The following ZNF714 variants were observed in gnomAD, a reference collection of about 807,000 sequenced individuals.
The protein encoded by ZNF714 is zinc finger protein 714.
In ZNF714, 32 loss-of-function variants were observed where a neutral mutation model predicts 46.2. That is an observed-to-expected ratio of 0.69 (90% CI 0.52 to 0.93). The LOEUF (loss-of-function observed/expected upper bound fraction) is 0.93, where lower values mean the gene tolerates loss of function less well. Ranked by LOEUF, ZNF714 falls within the 40% of genes least tolerant of loss-of-function variation. The pLI is 0.00. For missense variants in ZNF714, 635 were observed against 646.3 expected (o/e 0.98, Z 0.19); for synonymous variants, 199 against 213.1 (o/e 0.93, Z 0.58).
At chr19:21,099,887 G>A (rs530567819) in intron 4 of ZNF714, among the ~76,000 whole-genome samples, 11 of 152,154 alleles carry the variant, frequency 7.2e-5, no homozygotes, top group South Asian at 6.2e-4. Context: ...ACAGAGTCTC[G>A]CTCTGTCACC....
At position 21,110,055 on chromosome 19, in the gene ZNF714, T is replaced by TA. The variant is rs200581624; in HGVS notation, c.143-6751dup. Among the ~76,000 whole-genome samples the TA allele has an allele frequency of 9.8e-3, 1,496 of 152,340 alleles. 23 individuals carry two copies. The highest frequency in any genetic ancestry group is 0.05 in the South Asian group (241 of 4,832). ...ATTGTGAATTGTGCTGCAGTGAAGA[T>TA]ACACATCCATGTATCTTTACAGTAG... On this transcript the variant is annotated intron_variant, in intron 4 of 4. Coordinates refer to ENST00000456283, the MANE Select transcript of ZNF714 (RefSeq NM_182515.4).
Position 21,119,006 on chromosome 19 carries a change from A to T in ZNF714, c.*674A>T, listed in dbSNP as rs1969664210. On this transcript the variant is annotated 3_prime_UTR_variant, in exon 5 of 5. Coordinates refer to ENST00000456283, the MANE Select transcript of ZNF714 (RefSeq NM_182515.4). ...TACTTGAGATAAATTATACAAATAT[A>T]AAGACTGAAAAAGCCATTAATATAT... 1 of 352,604 alleles carries T rather than the reference A, an allele frequency of 2.8e-6. No individual in the cohort carries two copies. Among genetic ancestry groups the T allele is most frequent in the African/African-American group, 2.2e-5 (1 of 44,718 alleles). The allele number at this position is 352,604 out of a possible 1,614,324, so 21.8% of individuals were successfully genotyped here. A position where few individuals can be genotyped will look rare whatever the true frequency, so the allele number is the denominator to read the frequency against.
At chr19:21,083,038 T>A (rs1175125045) in intron 1 of ZNF714, among the ~76,000 whole-genome samples, 4 of 67,378 alleles carry the variant, frequency 5.9e-5, no homozygotes, top group African/African-American at 3.3e-5. Context: ...TGCACCTCAG[T>A]TAGATTTTTT....
chr19:21,101,678 C>T (rs1969184156), intron 4 of ZNF714, among the ~76,000 whole-genome samples: 1 of 152,096 alleles, frequency 6.6e-6, no homozygotes, highest in African/African-American at 2.4e-5. Flanking sequence ...AAAACCAAGG[C>T]CTGTAGGCCT....
chr19:21,084,865 C>T (rs7343079), intron 2 of ZNF714, among the ~76,000 whole-genome samples: 112,356 of 151,416 alleles, frequency 0.74, 43,292 homozygotes, highest in Middle Eastern at 0.88. Context: ...GATGATCTGC[C>T]CTCCTTGGCC....
intron 2 of ZNF714, among the ~76,000 whole-genome samples, chr19:21,092,359 C>A (rs768337440): frequency 5.9e-5 from 9 of 152,202 alleles, no homozygotes; most frequent in Non-Finnish European, 8.8e-5. Flanking sequence ...CAAAAAGCCA[C>A]AAAAGTGTCA....
intron 4 of ZNF714, among the ~76,000 whole-genome samples, chr19:21,101,211 T>C (rs1045296242): frequency 2.6e-5 from 4 of 152,296 alleles, no homozygotes; most frequent in Middle Eastern, 3.4e-3. Flanking sequence ...TATATTGATA[T>C]CTGTGAATTT....
intron 2 of ZNF714, among the ~76,000 whole-genome samples, chr19:21,085,254 G>A (rs1211497144): frequency 6.6e-6 from 1 of 152,160 alleles, no homozygotes; most frequent in Non-Finnish European, 1.5e-5. Flanking sequence ...TGCTCTATCT[G>A]CAGGATAGGA....
At chr19:21,084,750 C>G (rs11666184) in intron 2 of ZNF714, among the ~76,000 whole-genome samples, 23,954 of 143,146 alleles carry the variant, frequency 0.17, 2,164 homozygotes, top group South Asian at 0.27. Flanking sequence ...GTTGCCCAGG[C>G]TGGAGTGCAG....
chr19:21,114,917 G>A (rs1165829285), intron 4 of ZNF714, among the ~76,000 whole-genome samples: 1 of 151,822 alleles, frequency 6.6e-6, no homozygotes, highest in East Asian at 1.9e-4. Context: ...AGACTTAGTA[G>A]TGTTATTTTA....
intron 2 of ZNF714, among the ~76,000 whole-genome samples, chr19:21,084,320 T>G (rs1216961341): frequency 6.6e-6 from 1 of 151,818 alleles, no homozygotes; most frequent in African/African-American, 2.4e-5. Context: ...CATTAGCACT[T>G]AAGTTTTCCC....
intron 4 of ZNF714, among the ~76,000 whole-genome samples, chr19:21,099,238 G>T (rs1969114938): frequency 6.6e-6 from 1 of 152,052 alleles, no homozygotes; most frequent in Admixed American, 6.5e-5. Context: ...GATTGCAGTA[G>T]CGTGATCTCA....
At chr19:21,088,948 G>A (rs537963340) in intron 2 of ZNF714, among the ~76,000 whole-genome samples, 15 of 152,236 alleles carry the variant, frequency 9.9e-5, no homozygotes, top group South Asian at 8.3e-4. Context: ...GGGACATGGG[G>A]ACACCTCCAT....
chr19:21,090,301 A>G (rs1198145500), intron 2 of ZNF714, among the ~76,000 whole-genome samples: 1 of 152,234 alleles, frequency 6.6e-6, no homozygotes, highest in Non-Finnish European at 1.5e-5. Context: ...CAGTGATAAT[A>G]AAAAGTTGAG....
chr19:21,107,938 GT>G (rs2144861730), intron 4 of ZNF714, among the ~76,000 whole-genome samples: 1 of 152,072 alleles, frequency 6.6e-6, no homozygotes, highest in African/African-American at 2.4e-5. Context: ...ATTTATTGTC[GT>G]TTTGAGACAG....
At chr19:21,090,285 C>T (rs1156352836) in intron 2 of ZNF714, among the ~76,000 whole-genome samples, 1 of 152,216 alleles carries the variant, frequency 6.6e-6, no homozygotes, top group Non-Finnish European at 1.5e-5. Flanking sequence ...AAAGACCTAC[C>T]CATTGCAGTG....
In ZNF714 at chr19:21,118,633, G is replaced by A; in HGVS notation, c.*301G>A. On this transcript the variant is annotated 3_prime_UTR_variant, in exon 5 of 5. Transcript: ENST00000456283. ...TTAACCAGTCTTCAACTCTTACTAGGCATTAAAAATTCATACTGTACAGAA... is the reference window on the plus strand; with the variant it reads ...TTAACCAGTCTTCAACTCTTACTAGACATTAAAAATTCATACTGTACAGAA... 4.1e-6 allele frequency: 1 copy of A among 244,274 alleles called. No homozygotes were observed. Among genetic ancestry groups the A allele is most frequent in the Non-Finnish European group, 8.3e-6 (1 of 120,478 alleles). 15.1% of individuals were successfully genotyped at this position (244,274 alleles called of 1,614,324 possible).
At chr19:21,110,846 C>T (rs1162209560) in intron 4 of ZNF714, among the ~76,000 whole-genome samples, 1 of 152,130 alleles carries the variant, frequency 6.6e-6, no homozygotes, top group Non-Finnish European at 1.5e-5. Flanking sequence ...AAAGGGAATC[C>T]TTTTCCCATT....
At chr19:21,108,791 T>G (rs967958790) in intron 4 of ZNF714, among the ~76,000 whole-genome samples, 1 of 152,236 alleles carries the variant, frequency 6.6e-6, no homozygotes, top group Non-Finnish European at 1.5e-5. Context: ...TTCTGTTTTC[T>G]TATTGATCTT....
Sources: allele counts gnomAD v4.1 joint callset (sites outside exome capture counted in the v4.1 genomes callset), GRCh38; gene constraint gnomAD v4.1.1; transcripts MANE v1.5; gene names NCBI Gene and HGNC (gene_info 2026-07-23, HGNC 2026-07-21).